HCFC2: variants seen among roughly 807,000 people sequenced by gnomAD.
HCFC2 encodes the protein host cell factor C2, also known as host cell factor 2.
In HCFC2, 18 loss-of-function variants were observed where a neutral mutation model predicts 89.2. The observed-to-expected ratio is 0.20, with a 90% confidence interval of 0.14 to 0.30. The LOEUF is 0.30. Among genes scored for constraint, HCFC2 ranks in the 10% least tolerant of loss-of-function variants. The pLI, the probability that HCFC2 is intolerant of heterozygous loss-of-function variation, is 1.00. For missense variants in HCFC2, 578 were observed against 956.1 expected (o/e 0.60, Z 5.21); for synonymous variants, 308 against 335.7 (o/e 0.92, Z 0.90).
intron 3 of HCFC2, among the ~76,000 whole-genome samples, chr12:104,076,810 C>A (rs1417505208): frequency 1.3e-5 from 2 of 151,928 alleles, no homozygotes; most frequent in Non-Finnish European, 2.9e-5. Flanking sequence ...CCACCACCAA[C>A]CCTGATCAGA....
intron 7 of HCFC2, among the ~76,000 whole-genome samples, chr12:104,084,056 C>A (rs1219737066): frequency 2.0e-5 from 3 of 152,064 alleles, no homozygotes; most frequent in Non-Finnish European, 2.9e-5. Flanking sequence ...ATTAAAGCAC[C>A]AAAATTTTTA....
chr12:104,085,700 GT>G (rs397977003), intron 7 of HCFC2, among the ~76,000 whole-genome samples: 1,984 of 136,824 alleles, frequency 0.015, 20 homozygotes, highest in Non-Finnish European at 0.016. Flanking sequence ...GGCTCATCTT[GT>G]TTTTTTTTTT....
At chr12:104,066,055 G>T in intron 1 of HCFC2, 112 bp from the exon 2 acceptor site, 2 of 1,029,234 alleles carry the variant, frequency 1.9e-6, no homozygotes, top group Non-Finnish European at 2.9e-6. Context: ...GTCTTCTGGG[G>T]GGCAGAATCA....
intron 7 of HCFC2, 140 bp from the exon 8 acceptor site, chr12:104,086,707 C>T (rs1883860288): frequency 1.9e-6 from 1 of 520,150 alleles, no homozygotes; most frequent in Admixed American, 3.5e-5. Context: ...CTGTGTTTAT[C>T]TGAGTAAACT....
intron 7 of HCFC2, among the ~76,000 whole-genome samples, chr12:104,086,093 A>T (rs1284612070): frequency 2.0e-5 from 3 of 149,954 alleles, no homozygotes; most frequent in Non-Finnish European, 4.4e-5. Flanking sequence ...CACCTCCCAG[A>T]TTCAAGTGAT....
At chr12:104,080,462 A>G (rs1278872115) in intron 4 of HCFC2, 1 of 258,362 alleles carries the variant, frequency 3.9e-6, no homozygotes, top group Admixed American at 5.2e-5. Context: ...AGACATGTGC[A>G]GTGCAGCCAA....
chr12:104,090,797 G>C (rs2136620414), intron 9 of HCFC2: 1 of 151,494 alleles, frequency 6.6e-6, no homozygotes, highest in Non-Finnish European at 1.5e-5. Flanking sequence ...CCACATTAGA[G>C]GTTGTCATCA....
chr12:104,079,388 A>G, intron 3 of HCFC2, 57 bp from the exon 4 acceptor site: 1 of 1,275,692 alleles, frequency 7.8e-7, no homozygotes, highest in Admixed American at 2.2e-5. Context: ...TAGAAATAAA[A>G]TGCAAATAAA....
rs2030010409 is a variant in HCFC2 at position 104,103,511 on chromosome 12, A to C, written c.*238A>C. On this transcript the variant is annotated 3_prime_UTR_variant, in exon 15 of 15. Coordinates refer to ENST00000229330, the MANE Select transcript of HCFC2 (RefSeq NM_013320.3). ...TTACAGATATAGCTCTTTTATAAAGAAAAACAGTGAAATTAAGATAAAAGC... is the reference window on the plus strand; with the variant it reads ...TTACAGATATAGCTCTTTTATAAAGCAAAACAGTGAAATTAAGATAAAAGC... 4.5e-6 allele frequency: 2 copies of C among 443,970 alleles called. No individual in the cohort carries two copies. The highest frequency in any genetic ancestry group is 8.0e-6 in the Non-Finnish European group (2 of 250,186). The allele number at this position is 443,970 out of a possible 1,614,324, so 27.5% of individuals were successfully genotyped here. A position where few individuals can be genotyped will look rare whatever the true frequency, so the allele number is the denominator to read the frequency against.
At chr12:104,091,835 TG>T (rs1884031526) in intron 9 of HCFC2, among the ~76,000 whole-genome samples, 1 of 152,206 alleles carries the variant, frequency 6.6e-6, no homozygotes, top group African/African-American at 2.4e-5. Context: ...ATAGGATTCT[TG>T]TGAAGATTAA....
intron 12 of HCFC2, among the ~76,000 whole-genome samples, 197 bp downstream of exon 12, chr12:104,096,630 T>C (rs1316952414): frequency 6.6e-6 from 1 of 152,184 alleles, no homozygotes; most frequent in African/African-American, 2.4e-5. Context: ...AAATAACATA[T>C]GTGTTGTGTT....
intron 2 of HCFC2, 151 bp from the exon 3 acceptor site, chr12:104,067,796 C>T (rs139560057): frequency 1.6e-5 from 9 of 568,790 alleles, no homozygotes; most frequent in African/African-American, 1.5e-4. Context: ...CAGAAGTTAG[C>T]TGGTTATTTG....
rs568395269 is a variant in HCFC2, at chr12:104,064,627, C to G, written c.67C>G (p.Arg23Gly). The G allele has an allele frequency of 6.3e-7, 1 of 1,578,594 alleles. No individual in the cohort carries two copies. Among genetic ancestry groups the G allele is most frequent in the Non-Finnish European group, 8.6e-7 (1 of 1,164,696 alleles). The change falls in exon 1 of 15, where the codon CGG becomes GGG. Residue 23 changes from arginine (R) to glycine (G), a missense_variant. Coordinates refer to ENST00000229330, the MANE Select transcript of HCFC2 (RefSeq NM_013320.3). This position sits in a 1 kb window ranked among gnomAD's most constrained non-coding sequence, Gnocchi z 7.3. ...SSFTGPVPRA[R>G]HGHRAVAIRE... ...CTTCACGGGGCCGGTCCCCCGCGCC[C>G]GGCACGGACACCGAGCGGTGGCCAT...
chr12:104,087,439 G>A (rs1466696343), intron 8 of HCFC2, among the ~76,000 whole-genome samples: 19 of 99,244 alleles, frequency 1.9e-4, no homozygotes, highest in South Asian at 3.3e-4. Flanking sequence ...GTGTGTGTGT[G>A]TGTATGTGTG....
At position 104,070,801 on chromosome 12, in the gene HCFC2, CT is replaced by C. The variant is rs35437369; in HGVS notation, c.473+2715del. Among the ~76,000 whole-genome samples the C allele has an allele frequency of 8.2e-4, 102 of 124,998 alleles. 1 individual carries two copies. The Middle Eastern group carries it at 0.013, about 16-fold the overall frequency. 82.0% of individuals were successfully genotyped at this position (124,998 alleles called of 152,430 possible). On this transcript the variant is annotated intron_variant, in intron 3 of 14. Coordinates refer to ENST00000229330, the MANE Select transcript of HCFC2 (RefSeq NM_013320.3). The stretch of plus-strand genomic sequence containing the variant: ...ACCACAGTAATCCGGATACTTTTTA[CT>C]TTTTTTTTTTTTTTTTTTTTGAGAC...
rs1488348621 is a variant in HCFC2 at position 104,105,863 on chromosome 12, T to G, written c.*2590T>G. 2 of 152,222 alleles carry G rather than the reference T, an allele frequency of 1.3e-5. No homozygotes were observed. 9.4% of individuals were successfully genotyped at this position (152,222 alleles called of 1,614,324 possible). A position where few individuals can be genotyped will look rare whatever the true frequency, so the allele number is the denominator to read the frequency against. ...ATTTTTCATAGGATTTGCACTGAGT[T>G]AAATGACTTTCTTTACTCTTCCCAG... On this transcript the variant is annotated 3_prime_UTR_variant, in exon 15 of 15. Coordinates refer to ENST00000229330, the MANE Select transcript of HCFC2 (RefSeq NM_013320.3).
intron 1 of HCFC2, among the ~76,000 whole-genome samples, chr12:104,065,594 T>G (rs1404981224): frequency 6.6e-6 from 1 of 151,960 alleles, no homozygotes; most frequent in African/African-American, 2.4e-5. Flanking sequence ...AATAGTGGAG[T>G]CTGAGAAGTT....
intron 9 of HCFC2, chr12:104,090,909 T>C (rs1292367558): frequency 6.6e-6 from 1 of 152,228 alleles, no homozygotes; most frequent in Admixed American, 6.5e-5. Flanking sequence ...TTAGTAAACC[T>C]TAACAAGAGT....
At chr12:104,071,265 A>C (rs1226973478) in intron 3 of HCFC2, among the ~76,000 whole-genome samples, 7 of 152,244 alleles carry the variant, frequency 4.6e-5, no homozygotes, top group African/African-American at 1.7e-4. Context: ...TTTGATGTAC[A>C]TCTTTTGGAA....
Sources: allele counts gnomAD v4.1 joint callset (sites outside exome capture counted in the v4.1 genomes callset), GRCh38; gene constraint gnomAD v4.1.1; non-coding constraint Gnocchi (gnomAD v3.1); transcripts MANE v1.5; gene names NCBI Gene and HGNC (gene_info 2026-07-23, HGNC 2026-07-21).